Variants in UBE2O observed in about 807,000 individuals in gnomAD.
UBE2O encodes the protein ubiquitin conjugating enzyme E2 O.
A neutral mutation model predicts 125.8 loss-of-function variants in UBE2O; 15 were observed. That is an observed-to-expected ratio of 0.12 (90% CI 0.08 to 0.18). The LOEUF (loss-of-function observed/expected upper bound fraction) is 0.18, where lower values mean the gene tolerates loss of function less well. Ranked by LOEUF, UBE2O falls within the 10% of genes least tolerant of loss-of-function variation. The pLI is 1.00. For missense variants in UBE2O, 1,280 were observed against 1,723.6 expected, an observed-to-expected ratio of 0.74 and a Z score of 4.56; for synonymous variants, 708 against 703.2, an observed-to-expected ratio of 1.01 and a Z score of -0.11.
intron 1 of UBE2O, among the ~76,000 whole-genome samples, chr17:76,419,273 G>A (rs1189023580): frequency 4.3e-3 from 373 of 87,412 alleles, no homozygotes; most frequent in African/African-American, 0.017. Flanking sequence ...GACAGAGTAA[G>A]ACCCTATCTC....
intron 1 of UBE2O, among the ~76,000 whole-genome samples, chr17:76,426,963 A>T (rs938978777): frequency 1.3e-5 from 2 of 151,930 alleles, no homozygotes; most frequent in Non-Finnish European, 2.9e-5. Flanking sequence ...TTATTGAACG[A>T]TAATTTAAGC....
At chr17:76,440,761 A>C (rs977016357) in intron 1 of UBE2O, among the ~76,000 whole-genome samples, 1 of 152,268 alleles carries the variant, frequency 6.6e-6, no homozygotes, top group South Asian at 2.1e-4. Flanking sequence ...TTATTGGAAC[A>C]TGACCATGCC....
chr17:76,437,117 C>G (rs2073008589), intron 1 of UBE2O, among the ~76,000 whole-genome samples: 1 of 150,446 alleles, frequency 6.6e-6, no homozygotes, highest in Non-Finnish European at 1.5e-5. Context: ...CCACTGTACT[C>G]CAGCCTGGGC....
intron 1 of UBE2O, among the ~76,000 whole-genome samples, chr17:76,408,254 C>A (rs2143744492): frequency 6.6e-6 from 1 of 152,352 alleles, no homozygotes; most frequent in African/African-American, 2.4e-5. Context: ...CTGGCGAATG[C>A]AAGAGCTCTG....
intron 15 of UBE2O, among the ~76,000 whole-genome samples, chr17:76,393,631 A>G (rs969252720): frequency 6.6e-5 from 10 of 152,176 alleles, no homozygotes; most frequent in Admixed American, 5.9e-4. Context: ...TTCAAGCTGA[A>G]AGGCAGTTCC....
intron 1 of UBE2O, among the ~76,000 whole-genome samples, chr17:76,413,159 T>C (rs1248463682): frequency 6.6e-6 from 1 of 152,100 alleles, no homozygotes; most frequent in Non-Finnish European, 1.5e-5. Context: ...AAACATAAAA[T>C]AAGGTACACA....
chr17:76,423,896 CTTTTTT>C (rs746126675), intron 1 of UBE2O, among the ~76,000 whole-genome samples: 971 of 83,500 alleles, frequency 0.012, 14 homozygotes, highest in African/African-American at 0.043. Flanking sequence ...AGGTTGGGTT[CTTTTTT>C]TTTTTTTTTT....
At chr17:76,415,935 G>T (rs4458029) in intron 1 of UBE2O, among the ~76,000 whole-genome samples, 1 of 143,686 alleles carries the variant, frequency 7.0e-6, no homozygotes, top group African/African-American at 2.5e-5. Context: ...ACGTATATAC[G>T]TATGCGTATA....
intron 1 of UBE2O, among the ~76,000 whole-genome samples, chr17:76,426,890 C>T (rs1044333619): frequency 1.4e-5 from 2 of 146,732 alleles, no homozygotes; most frequent in African/African-American, 2.8e-5. Context: ...CGAAGTACAG[C>T]GAAGGTCTCT....
chr17:76,425,252 T>TAAAAAAAAAAA (rs2072792357), intron 1 of UBE2O, among the ~76,000 whole-genome samples: 1 of 112,900 alleles, frequency 8.9e-6, no homozygotes, highest in Non-Finnish European at 1.9e-5. Flanking sequence ...AAAAAAAAAG[T>TAAAAAAAAAAA]AAAAGAAAAA....
At chr17:76,401,218 C>T (rs2072318259) in intron 5 of UBE2O, 64 bp from the exon 6 acceptor site, 3 of 1,576,620 alleles carry the variant, frequency 1.9e-6, no homozygotes, top group Non-Finnish European at 2.6e-6. Context: ...ACCATGCTCT[C>T]CACGCCTGTG....
rs1411673146 is a variant in UBE2O, at chr17:76,402,658, C to T, written c.630G>A (p.Leu210=). The T allele has an allele frequency of 2.5e-6, 4 of 1,614,166 alleles. No homozygotes were observed. The highest frequency in any genetic ancestry group is 3.4e-6 in the Non-Finnish European group (4 of 1,180,020). The part of the protein sequence containing the change: ...YGDYIAYDCW[L]GKVYDLKNQI... ...GGTTCTTCAAGTCGTAGACCTTCCC[C>T]AGCCAGCAGTCATAGGCAATGTAGT... is the stretch of plus-strand genomic sequence containing the variant. The change falls in exon 4 of 18, where the codon CTG becomes CTA. Residue 210 remains leucine, a synonymous_variant. Transcript: ENST00000319380. This position sits in a 1 kb window ranked among gnomAD's most constrained non-coding sequence, Gnocchi z 5.4.
Position 76,396,415 on chromosome 17 carries a change from G to GTCC in UBE2O, c.2521_2522insGGA (p.Pro840_Thr841insArg). On this transcript the variant is annotated inframe_insertion, in exon 14 of 18. Transcript: ENST00000319380. This position sits in a 1 kb window ranked among gnomAD's most constrained non-coding sequence, Gnocchi z 6.7. ...CCGAGTTGGCTTCTCAGGCTCCACA[G>GTCC]TCGGAGAGGTGGGCGAGCCCGTCAG... 1 of 1,614,188 alleles carries GTCC rather than the reference G, an allele frequency of 6.2e-7. No individual in the cohort carries two copies.
chr17:76,396,329 T>C lies in UBE2O; in HGVS notation c.2608A>G (p.Asn870Asp). The C allele has an allele frequency of 6.2e-7, 1 of 1,614,246 alleles. No individual in the cohort carries two copies. The highest frequency in any genetic ancestry group is 8.5e-7 in the Non-Finnish European group (1 of 1,180,044). ...TTCTCCTCCTCTACAATGGCCACATTGTCCAGGGTCTTCTTGAGGTTTTCC... is the reference window on the plus strand; with the variant it reads ...TTCTCCTCCTCTACAATGGCCACATCGTCCAGGGTCTTCTTGAGGTTTTCC... ...LQENLKKTLD[N>D]VAIVEEEKME... is the part of the protein sequence containing the mutation. Residue 870 changes from asparagine (N) to aspartate (D), a missense_variant, in exon 14 of 18, where the codon AAT becomes GAT. Physicochemically the swap from Asn to Asp is conservative, Grantham distance 23 (BLOSUM62 1). Around this residue, in one of 10 missense-constraint regions of UBE2O, gnomAD observed 116 missense variants for 154.8 expected, o/e 0.75. Transcript: ENST00000319380. This position sits in a 1 kb window ranked among gnomAD's most constrained non-coding sequence, Gnocchi z 6.7.
At chr17:76,414,765 T>G (rs1416150941) in intron 1 of UBE2O, among the ~76,000 whole-genome samples, 3 of 152,164 alleles carry the variant, frequency 2.0e-5, no homozygotes, top group Admixed American at 2.0e-4. Context: ...AGCGGGCTGG[T>G]CTCTGCAGAT....
chr17:76,401,068 C>G lies in UBE2O; in HGVS notation c.837G>C (p.Leu279=). Residue 279 remains leucine (L), a synonymous_variant, in exon 6 of 18, where the codon CTG becomes CTC. Coordinates refer to ENST00000319380, the MANE Select transcript of UBE2O (RefSeq NM_022066.4). ...PAKIFSSVQW[L]SGVKPVLSTK... is the part of the protein sequence containing the mutation. ...TGCTGAGCACGGGCTTGACACCTGACAGCCACTGGACGCTGGAGAAGATCT... is the reference window on the plus strand; with the variant it reads ...TGCTGAGCACGGGCTTGACACCTGAGAGCCACTGGACGCTGGAGAAGATCT... 1 of 1,613,946 alleles carries G rather than the reference C, an allele frequency of 6.2e-7. No homozygotes were observed. The highest frequency in any genetic ancestry group is 1.3e-5 in the African/African-American group (1 of 75,070).
At chr17:76,439,280 T>C (rs552938236) in intron 1 of UBE2O, among the ~76,000 whole-genome samples, 2 of 152,322 alleles carry the variant, frequency 1.3e-5, no homozygotes, top group African/African-American at 4.8e-5. Flanking sequence ...TTGTTATCGT[T>C]ATTTACAGTC....
chr17:76,392,202 T>C, intron 15 of UBE2O, 89 bp from the exon 16 acceptor site: 1 of 793,798 alleles, frequency 1.3e-6, no homozygotes, highest in Non-Finnish European at 1.9e-6. Flanking sequence ...ACCTGCTCTT[T>C]CCCAGGACAC....
At position 76,391,862 on chromosome 17, in the gene UBE2O, C is replaced by A; in HGVS notation, c.3150+48G>T. 1 of 1,613,910 alleles carries A rather than the reference C, an allele frequency of 6.2e-7. No homozygotes were observed. The highest frequency in any genetic ancestry group is 1.1e-5 in the South Asian group (1 of 91,080). On this transcript the variant is annotated intron_variant, in intron 16 of 17. Transcript: ENST00000319380. This position sits in a 1 kb window ranked among gnomAD's most constrained non-coding sequence, Gnocchi z 8.4. ...ATTCTGTTCCCCAGGCCCCTATCCA[C>A]CAGTGGCTCTTCCTCCTTCTTGGCT...
Sources: allele counts gnomAD v4.1 joint callset (sites outside exome capture counted in the v4.1 genomes callset), GRCh38; gene constraint gnomAD v4.1.1; regional missense constraint gnomAD v4.1.1; non-coding constraint Gnocchi (gnomAD v3.1); transcripts MANE v1.5; gene names NCBI Gene and HGNC (gene_info 2026-07-23, HGNC 2026-07-21).